The following EFNA5 variants were observed in gnomAD, a reference collection of about 807,000 sequenced individuals.
EFNA5 encodes the protein ephrin A5, also known as ephrin-A5.
Under a neutral mutation model 22.9 loss-of-function variants are expected in EFNA5, and 5 were observed. The ratio of observed to expected loss-of-function variants is 0.22; its 90% confidence interval spans 0.11 to 0.46. The LOEUF is 0.46. Ranked by LOEUF, EFNA5 falls within the 20% of genes least tolerant of loss-of-function variation. The pLI is 0.99. For missense variants in EFNA5, 237 were observed against 293.3 expected (o/e 0.81, Z 1.40); for synonymous variants, 113 against 112.2 (o/e 1.01, Z -0.04).
chr5:107,665,659 C>T (rs891972247), intron 1 of EFNA5, among the ~76,000 whole-genome samples: 3 of 152,142 alleles, frequency 2.0e-5, no homozygotes, highest in African/African-American at 7.2e-5. Flanking sequence ...TTCCTATCAT[C>T]TAAAAATCAG....
chr5:107,537,259 C>T (rs947369169), intron 1 of EFNA5, among the ~76,000 whole-genome samples: 10 of 151,192 alleles, frequency 6.6e-5, no homozygotes, highest in African/African-American at 2.2e-4. Context: ...TTTGGGAGGC[C>T]GAGGTGGGTG....
chr5:107,564,097 G>A (rs1748609652), intron 1 of EFNA5, among the ~76,000 whole-genome samples: 1 of 152,160 alleles, frequency 6.6e-6, no homozygotes, highest in Admixed American at 6.5e-5. Flanking sequence ...GGATGGGCAG[G>A]GGCTGGGCAG....
In EFNA5 at chr5:107,648,795, A is replaced by G. The variant is rs546207388; in HGVS notation, c.125+21694T>C. 8.5e-5 allele frequency among the ~76,000 whole-genome samples: 13 copies of G among 152,214 alleles called. No homozygotes were observed. In the South Asian group the frequency reaches 2.7e-3, roughly 32 times the overall value. ...AAGCCATGTCTGAAAACAAAACAGA[A>G]AAAAAAATCCTTTTAATAAAATCTT... On this transcript the variant is annotated intron_variant, in intron 1 of 4. Coordinates refer to ENST00000333274, the MANE Select transcript of EFNA5 (RefSeq NM_001962.3).
chr5:107,643,910 C>A (rs1750578847), intron 1 of EFNA5, among the ~76,000 whole-genome samples: 2 of 151,576 alleles, frequency 1.3e-5, no homozygotes, highest in African/African-American at 4.9e-5. Context: ...AAAGGCAGCA[C>A]ATGGCTAGAG....
intron 2 of EFNA5, among the ~76,000 whole-genome samples, chr5:107,417,134 T>C (rs1480540084): frequency 6.6e-6 from 1 of 152,184 alleles, no homozygotes; most frequent in African/African-American, 2.4e-5. Flanking sequence ...TTTGTTTTTA[T>C]GGGTTTACAT....
chr5:107,573,755 G>A (rs1748865140), intron 1 of EFNA5, among the ~76,000 whole-genome samples: 1 of 152,156 alleles, frequency 6.6e-6, no homozygotes, highest in African/African-American at 2.4e-5. Flanking sequence ...GGGAATGAGT[G>A]TGTGGGTCTA....
chr5:107,632,697 C>CCA (rs1340655144), intron 1 of EFNA5, among the ~76,000 whole-genome samples: 1 of 152,098 alleles, frequency 6.6e-6, no homozygotes, highest in Non-Finnish European at 1.5e-5. Context: ...TTGTTTTCTC[C>CCA]CATCTCCTTG....
intron 1 of EFNA5, among the ~76,000 whole-genome samples, chr5:107,619,509 C>G (rs188997628): frequency 6.6e-6 from 1 of 151,364 alleles, no homozygotes; most frequent in Non-Finnish European, 1.5e-5. Flanking sequence ...GTTGCCCAGG[C>G]TGGAGTGCAG....
intron 2 of EFNA5, among the ~76,000 whole-genome samples, chr5:107,396,724 G>A (rs1413500791): frequency 3.9e-5 from 6 of 152,092 alleles, no homozygotes; most frequent in Non-Finnish European, 7.4e-5. Flanking sequence ...TGGGGGTGGT[G>A]ATGAAGATAT....
In EFNA5 at chr5:107,547,592, T is replaced by C. The variant is rs76487596; in HGVS notation, c.126-120083A>G. ...GCCTGTTGTGCAAATAAATACAGAGTTAGTGTTTACCCCTGGCAGGGCATT... is the reference window on the plus strand; with the variant it reads ...GCCTGTTGTGCAAATAAATACAGAGCTAGTGTTTACCCCTGGCAGGGCATT... On this transcript the variant is annotated intron_variant, in intron 1 of 4. Transcript: ENST00000333274. Among the ~76,000 whole-genome samples, 325 of 151,742 alleles carry C rather than the reference T, an allele frequency of 2.1e-3. 7 individuals carry two copies. In the East Asian group the frequency reaches 0.037, roughly 17 times the overall value.
chr5:107,532,525 T>C (rs557797944), intron 1 of EFNA5, among the ~76,000 whole-genome samples: 4 of 152,192 alleles, frequency 2.6e-5, no homozygotes, highest in Admixed American at 1.3e-4. Flanking sequence ...GATGAAGAAA[T>C]AGACTTTATC....
chr5:107,499,327 T>C (rs1747079136), intron 1 of EFNA5, among the ~76,000 whole-genome samples: 1 of 152,168 alleles, frequency 6.6e-6, no homozygotes, highest in Non-Finnish European at 1.5e-5. Flanking sequence ...AGGTTGCAAC[T>C]AGTTTGAATT....
chr5:107,440,652 G>A (rs941835047), intron 1 of EFNA5, among the ~76,000 whole-genome samples: 8 of 152,192 alleles, frequency 5.3e-5, no homozygotes, highest in African/African-American at 1.9e-4. Context: ...TGCAATCCCA[G>A]ATCCCAAAGT....
chr5:107,625,153 G>T (rs942792742), intron 1 of EFNA5, among the ~76,000 whole-genome samples: 13 of 152,106 alleles, frequency 8.5e-5, no homozygotes, highest in African/African-American at 3.1e-4. Flanking sequence ...GAAATACTAT[G>T]CAGAGCTAAT....
chr5:107,579,734 T>C (rs982967385), intron 1 of EFNA5, among the ~76,000 whole-genome samples: 2 of 152,170 alleles, frequency 1.3e-5, no homozygotes, highest in Non-Finnish European at 2.9e-5. Flanking sequence ...AATGTTTTCA[T>C]CCACCAAAGA....
chr5:107,641,586 G>A (rs74498654), intron 1 of EFNA5, among the ~76,000 whole-genome samples: 16,077 of 152,110 alleles, frequency 0.11, 1,173 homozygotes, highest in Non-Finnish European at 0.15. Flanking sequence ...TTTTGTCTAG[G>A]AAGTTTATTA....
chr5:107,566,223 A>G (rs1748664997), intron 1 of EFNA5, among the ~76,000 whole-genome samples: 1 of 152,078 alleles, frequency 6.6e-6, no homozygotes, highest in Non-Finnish European at 1.5e-5. Context: ...TAAACTCACT[A>G]TTTTTCATGT....
chr5:107,544,447 T>A (rs1300389296), intron 1 of EFNA5, among the ~76,000 whole-genome samples: 1 of 152,132 alleles, frequency 6.6e-6, no homozygotes, highest in Non-Finnish European at 1.5e-5. Context: ...GAGTACCAAA[T>A]GCAAGGGCTT....
At chr5:107,494,929 T>C (rs189555155) in intron 1 of EFNA5, among the ~76,000 whole-genome samples, 2 of 152,220 alleles carry the variant, frequency 1.3e-5, no homozygotes, top group African/African-American at 2.4e-5. Context: ...CCTTTGTGTC[T>C]AGCTCTGTAT....
Sources: allele counts gnomAD v4.1 joint callset (sites outside exome capture counted in the v4.1 genomes callset), GRCh38; gene constraint gnomAD v4.1.1; transcripts MANE v1.5; gene names NCBI Gene and HGNC (gene_info 2026-07-23, HGNC 2026-07-21).